Variants in PPP2R2A observed in about 807,000 individuals in gnomAD.
The protein encoded by PPP2R2A is protein phosphatase 2 regulatory subunit Balpha, also known as serine/threonine-protein phosphatase 2A 55 kDa regulatory subunit B alpha isoform.
PPP2R2A carries 9 observed loss-of-function variants against 53.2 expected under a neutral mutation model. The ratio of observed to expected loss-of-function variants is 0.17; its 90% CI spans 0.10 to 0.30. The LOEUF (loss-of-function observed/expected upper bound fraction) is 0.30, where lower values mean the gene tolerates loss of function less well. Ranked by LOEUF, PPP2R2A falls within the 10% of genes least tolerant of loss-of-function variation. PPP2R2A has a pLI of 1.00. For missense variants in PPP2R2A, 235 were observed against 534.6 expected (o/e 0.44, Z 5.53); for synonymous variants, 169 against 174.2 (o/e 0.97, Z 0.23).
At position 26,360,936 on chromosome 8, in the gene PPP2R2A, C is replaced by T; in HGVS notation, c.460-38C>T. 3.2e-6 allele frequency: 5 copies of T among 1,551,140 alleles called. No homozygotes were observed. Among genetic ancestry groups the T allele is most frequent in the Non-Finnish European group, 4.3e-6 (5 of 1,156,348 alleles). ...TCTTAATTGCTATTTGAAACTGAGCCTTTTGTAATTTCTGTTTTTCATGTG... is the reference window on the plus strand; with the variant it reads ...TCTTAATTGCTATTTGAAACTGAGCTTTTTGTAATTTCTGTTTTTCATGTG... On this transcript the variant is annotated intron_variant, in intron 5 of 9. Transcript: ENST00000380737. This position sits in a 1 kb window ranked among gnomAD's most constrained non-coding sequence, Gnocchi z 4.5.
intron 3 of PPP2R2A, among the ~76,000 whole-genome samples, chr8:26,343,888 C>G (rs527879285): frequency 5.5e-4 from 83 of 152,264 alleles, no homozygotes; most frequent in Non-Finnish European, 5.9e-5. Flanking sequence ...TGAAATTTAG[C>G]TGGAGGTTAG....
intron 3 of PPP2R2A, among the ~76,000 whole-genome samples, chr8:26,353,659 C>T (rs777678038): frequency 6.6e-6 from 1 of 152,200 alleles, no homozygotes; most frequent in Non-Finnish European, 1.5e-5. Context: ...TTATAATTCT[C>T]ACTTTTGCTG....
intron 2 of PPP2R2A, among the ~76,000 whole-genome samples, chr8:26,297,734 G>A (rs559394597): frequency 6.6e-6 from 1 of 152,242 alleles, no homozygotes; most frequent in East Asian, 1.9e-4. Context: ...ACATAAAACA[G>A]AACAGTACCC....
chr8:26,293,580 C>T (rs1426927361), intron 1 of PPP2R2A, 86 bp from the exon 2 acceptor site: 8 of 1,314,584 alleles, frequency 6.1e-6, no homozygotes, highest in Non-Finnish European at 8.5e-6. Flanking sequence ...CTGTTAGTAT[C>T]ATGCCAACCA....
At chr8:26,327,768 T>C (rs1803169593) in intron 2 of PPP2R2A, among the ~76,000 whole-genome samples, 1 of 152,192 alleles carries the variant, frequency 6.6e-6, no homozygotes, top group Non-Finnish European at 1.5e-5. Flanking sequence ...GAAATTTGGG[T>C]TAATCATACT....
intron 2 of PPP2R2A, among the ~76,000 whole-genome samples, chr8:26,323,420 C>T (rs889585425): frequency 6.6e-6 from 1 of 152,180 alleles, no homozygotes; most frequent in Non-Finnish European, 1.5e-5. Context: ...CATCATATTC[C>T]CCAGGTTGAG....
In PPP2R2A at chr8:26,362,188, G is replaced by A. The variant is rs1465511091; in HGVS notation, c.638-496G>A. The stretch of plus-strand genomic sequence containing the variant: ...CACGCAAGTCATGATGCATGATTGG[G>A]TAAATAAAAATATTCTATTGAGGCC... On this transcript the variant is annotated intron_variant, in intron 6 of 9. Coordinates refer to ENST00000380737, the MANE Select transcript of PPP2R2A (RefSeq NM_002717.4). The surrounding 1 kb of genome is among the most constrained non-coding windows in gnomAD (Gnocchi z 4.4). 2.0e-5 allele frequency among the ~76,000 whole-genome samples: 3 copies of A among 151,352 alleles called. No individual in the cohort carries two copies. Among genetic ancestry groups the A allele is most frequent in the African/African-American group, 7.3e-5 (3 of 41,192 alleles).
intron 4 of PPP2R2A, chr8:26,358,855 C>T (rs1346672334): frequency 1.8e-5 from 8 of 449,178 alleles, no homozygotes; most frequent in Non-Finnish European, 2.7e-5. Context: ...CTAAATAAGA[C>T]GTGGATACAT....
In PPP2R2A at chr8:26,291,581, TCGCCGCCGC is replaced by T. The variant is rs1160759122; in HGVS notation, c.-235_-227del. The stretch of plus-strand genomic sequence containing the variant: ...GCCGCCGCCGCCGTCGCTGTCGTAG[TCGCCGCCGC>T]CGCTGCCGGAGAAAGAGCACGAGCG... On this transcript the variant is annotated 5_prime_UTR_variant, in exon 1 of 10. Coordinates refer to ENST00000380737, the MANE Select transcript of PPP2R2A (RefSeq NM_002717.4). 2 of 552,360 alleles carry T rather than the reference TCGCCGCCGC, an allele frequency of 3.6e-6. No individual in the cohort carries two copies. The highest frequency in any genetic ancestry group is 6.4e-6 in the Non-Finnish European group (2 of 312,922). 34.2% of individuals were successfully genotyped at this position (552,360 alleles called of 1,614,324 possible). A position where few individuals can be genotyped will look rare whatever the true frequency, so the allele number is the denominator to read the frequency against.
rs74654825 is a variant in PPP2R2A, at chr8:26,318,894, G to T, written c.83-19996G>T. ...TACACATAAGGTTTACCATTTTAAA[G>T]TGTATAGTTCAGTGTCATTAAGTGC... On this transcript the variant is annotated intron_variant, in intron 2 of 9. Transcript: ENST00000380737. Among the ~76,000 whole-genome samples, 11 of 152,294 alleles carry T rather than the reference G, an allele frequency of 7.2e-5. No homozygotes were observed. The East Asian group carries it at 2.1e-3, about 29-fold the overall frequency.
chr8:26,305,879 C>G (rs536054694), intron 2 of PPP2R2A, among the ~76,000 whole-genome samples: 1 of 152,110 alleles, frequency 6.6e-6, no homozygotes, highest in African/African-American at 2.4e-5. Flanking sequence ...TTTAAAAAAT[C>G]CCATATTGCA....
intron 2 of PPP2R2A, among the ~76,000 whole-genome samples, chr8:26,317,989 T>A (rs1802644273): frequency 6.6e-6 from 1 of 152,128 alleles, no homozygotes; most frequent in Non-Finnish European, 1.5e-5. Context: ...TGACAGAAAT[T>A]TTATTCATAA....
At chr8:26,317,375 G>A (rs1402256035) in intron 2 of PPP2R2A, among the ~76,000 whole-genome samples, 1 of 152,118 alleles carries the variant, frequency 6.6e-6, no homozygotes, top group Non-Finnish European at 1.5e-5. Flanking sequence ...CTTATTGTAT[G>A]TAGGCTTCTT....
At chr8:26,317,323 T>C (rs1802611384) in intron 2 of PPP2R2A, among the ~76,000 whole-genome samples, 1 of 152,212 alleles carries the variant, frequency 6.6e-6, no homozygotes, top group Admixed American at 6.5e-5. Flanking sequence ...TTTTAAAATA[T>C]CTTTACTATT....
At chr8:26,349,015 T>C (rs987237126) in intron 3 of PPP2R2A, among the ~76,000 whole-genome samples, 15 of 152,016 alleles carry the variant, frequency 9.9e-5, no homozygotes, top group Non-Finnish European at 1.8e-4. Flanking sequence ...GTTGGAACCA[T>C]TGAGTAGAAA....
intron 8 of PPP2R2A, among the ~76,000 whole-genome samples, chr8:26,364,736 T>G (rs567377744): frequency 2.6e-5 from 4 of 152,382 alleles, no homozygotes; most frequent in South Asian, 2.1e-4. Flanking sequence ...GCTTTGCTTT[T>G]CAAAGTATAG....
At chr8:26,356,935 TA>T (rs1211320004) in intron 4 of PPP2R2A, among the ~76,000 whole-genome samples, 2 of 152,258 alleles carry the variant, frequency 1.3e-5, no homozygotes, top group African/African-American at 4.8e-5. Context: ...GTCTATGGAT[TA>T]AATCTTGTTT....
intron 2 of PPP2R2A, among the ~76,000 whole-genome samples, chr8:26,305,760 A>G (rs1048857517): frequency 6.6e-6 from 1 of 152,216 alleles, no homozygotes; most frequent in Non-Finnish European, 1.5e-5. Flanking sequence ...TACAGATGAT[A>G]CTAGAGTCTG....
chr8:26,360,424 A>G lies in PPP2R2A; in HGVS notation c.459+143A>G. ...CTGTAATCAGGTAGGACATTGAGTA[A>G]CTCATTTAAACATAGAAACTGACCT... On this transcript the variant is annotated intron_variant, in intron 5 of 9. Coordinates refer to ENST00000380737, the MANE Select transcript of PPP2R2A (RefSeq NM_002717.4). This position sits in a 1 kb window ranked among gnomAD's most constrained non-coding sequence, Gnocchi z 4.5. The G allele has an allele frequency of 2.0e-6, 1 of 511,838 alleles. No homozygotes were observed. Among genetic ancestry groups the G allele is most frequent in the Non-Finnish European group, 3.4e-6 (1 of 292,984 alleles). 31.7% of individuals were successfully genotyped at this position (511,838 alleles called of 1,614,324 possible).
Sources: allele counts gnomAD v4.1 joint callset (sites outside exome capture counted in the v4.1 genomes callset), GRCh38; gene constraint gnomAD v4.1.1; non-coding constraint Gnocchi (gnomAD v3.1); transcripts MANE v1.5; gene names NCBI Gene and HGNC (gene_info 2026-07-23, HGNC 2026-07-21).